PIK3AP1: variants seen among roughly 807,000 people sequenced by gnomAD.
PIK3AP1 encodes the protein phosphoinositide-3-kinase adaptor protein 1, also known as phosphoinositide 3-kinase adapter protein 1.
PIK3AP1 carries 21 observed loss-of-function variants against 88.1 expected under a neutral mutation model. The observed-to-expected ratio is 0.24, with a 90% CI of 0.17 to 0.34. The LOEUF is 0.34. PIK3AP1 is among the 10% of genes least tolerant of loss of function. The probability of loss-of-function intolerance (pLI) is 1.00; values close to 1 mark genes in which losing one functional copy is unlikely to be tolerated. For missense variants in PIK3AP1, 828 were observed against 1,035.7 expected, an observed-to-expected ratio of 0.80 and a Z score of 2.75; for synonymous variants, 398 against 400.0, an observed-to-expected ratio of 1.00 and a Z score of 0.06.
intron 12 of PIK3AP1, among the ~76,000 whole-genome samples, 186 bp downstream of exon 12, chr10:96,620,166 A>G (rs1006156218): frequency 2.0e-5 from 3 of 152,156 alleles, no homozygotes; most frequent in Admixed American, 1.3e-4. Context: ...TCAGCCAGGG[A>G]GCCATGTGGT....
intron 1 of PIK3AP1, 92 bp from the exon 2 acceptor site, chr10:96,710,075 G>C: frequency 7.8e-7 from 1 of 1,283,040 alleles, no homozygotes; most frequent in Non-Finnish European, 1.1e-6. Flanking sequence ...CCAGACACTG[G>C]GTCTGGCACC....
chr10:96,645,730 G>A (rs751831096), intron 7 of PIK3AP1, 68 bp from the exon 8 acceptor site: 15 of 1,391,908 alleles, frequency 1.1e-5, no homozygotes, highest in East Asian at 2.5e-5. Context: ...CTTGGCCCCC[G>A]AAGGCACTTG....
chr10:96,623,761 A>T (rs1843119149), intron 10 of PIK3AP1, among the ~76,000 whole-genome samples: 1 of 152,222 alleles, frequency 6.6e-6, no homozygotes, highest in Non-Finnish European at 1.5e-5. Context: ...CATGATCAGC[A>T]TTTACAAGCT....
At chr10:96,703,147 G>C (rs757980871) in intron 2 of PIK3AP1, among the ~76,000 whole-genome samples, 2 of 152,200 alleles carry the variant, frequency 1.3e-5, no homozygotes, top group Non-Finnish European at 2.9e-5. Context: ...CAAACTGTTA[G>C]AATTACAGTT....
intron 16 of PIK3AP1, among the ~76,000 whole-genome samples, chr10:96,601,312 A>G (rs547323411): frequency 5.7e-4 from 86 of 151,924 alleles, no homozygotes; most frequent in Non-Finnish European, 1.1e-3. Context: ...TGTCTCTACT[A>G]AAAACACAAA....
At chr10:96,692,142 T>C (rs527345550) in intron 2 of PIK3AP1, among the ~76,000 whole-genome samples, 1 of 152,342 alleles carries the variant, frequency 6.6e-6, no homozygotes, top group Admixed American at 6.5e-5. Flanking sequence ...AGAAAACCCA[T>C]ACAGATGCTT....
intron 1 of PIK3AP1, 31 bp from the exon 2 acceptor site, chr10:96,710,014 A>G (rs1443354092): frequency 6.5e-7 from 1 of 1,544,434 alleles, no homozygotes; most frequent in African/African-American, 1.4e-5. Flanking sequence ...GAAGCATGTT[A>G]GCACACCTCC....
chr10:96,617,311 G>C (rs966665930), intron 12 of PIK3AP1, among the ~76,000 whole-genome samples: 8 of 152,212 alleles, frequency 5.3e-5, no homozygotes, highest in Non-Finnish European at 7.3e-5. Flanking sequence ...ACATGTAAGG[G>C]TCAAGATTGT....
intron 2 of PIK3AP1, among the ~76,000 whole-genome samples, chr10:96,695,857 AT>A (rs1433578345): frequency 6.6e-6 from 1 of 152,216 alleles, no homozygotes; most frequent in African/African-American, 2.4e-5. Context: ...GGCATACTTA[AT>A]TCTTCTGTGG....
intron 14 of PIK3AP1, among the ~76,000 whole-genome samples, chr10:96,604,917 T>TGGCACGATCTCGGCTCAGTGCAAC (rs1848976152): frequency 6.6e-6 from 1 of 152,132 alleles, no homozygotes; most frequent in Non-Finnish European, 1.5e-5. Flanking sequence ...TGGAGTGCAG[T>TGGCACGATCTCGGCTCAGTGCAAC]GGCACGATCT....
In PIK3AP1 at chr10:96,628,883, T is replaced by TATACAC. The variant is rs1564961182; in HGVS notation, c.1376-391_1376-390insGTGTAT. Among the ~76,000 whole-genome samples the TATACAC allele has an allele frequency of 3.1e-4, 4 of 12,800 alleles. No homozygotes were observed. In the East Asian group the frequency reaches 0.012, roughly 38 times the overall value. 8.4% of individuals were successfully genotyped at this position (12,800 alleles called of 152,430 possible). On this transcript the variant is annotated intron_variant, in intron 8 of 16. Transcript: ENST00000339364. ...ACACACACATATATACACATATATA[T>TATACAC]ATATACATATATATATATATATATG...
At chr10:96,687,111 C>T (rs577826185) in intron 2 of PIK3AP1, among the ~76,000 whole-genome samples, 3 of 151,964 alleles carry the variant, frequency 2.0e-5, no homozygotes, top group African/African-American at 7.2e-5. Context: ...AAAAAATTAG[C>T]CGGGTGCGGT....
At chr10:96,653,224 G>A (rs1042878575) in intron 3 of PIK3AP1, among the ~76,000 whole-genome samples, 1 of 151,626 alleles carries the variant, frequency 6.6e-6, no homozygotes, top group East Asian at 1.9e-4. Flanking sequence ...GGCCAACATG[G>A]TGAAACCCCG....
chr10:96,638,002 G>T (rs1843335297), intron 8 of PIK3AP1, among the ~76,000 whole-genome samples: 1 of 152,178 alleles, frequency 6.6e-6, no homozygotes, highest in African/African-American at 2.4e-5. Flanking sequence ...AGGCCTTTGG[G>T]CTACGTACTT....
At chr10:96,606,164 C>G (rs1848999375) in intron 14 of PIK3AP1, among the ~76,000 whole-genome samples, 1 of 152,004 alleles carries the variant, frequency 6.6e-6, no homozygotes, top group East Asian at 1.9e-4. Flanking sequence ...GTTCAAGGAC[C>G]AGGCTGTCTT....
chr10:96,673,489 C>T (rs1843875305), intron 2 of PIK3AP1, among the ~76,000 whole-genome samples: 1 of 152,108 alleles, frequency 6.6e-6, no homozygotes, highest in African/African-American at 2.4e-5. Flanking sequence ...AAAGCAGGAG[C>T]TACCACAGCC....
At chr10:96,664,683 C>T (rs1393434572) in intron 2 of PIK3AP1, among the ~76,000 whole-genome samples, 1 of 152,174 alleles carries the variant, frequency 6.6e-6, no homozygotes, top group Non-Finnish European at 1.5e-5. Flanking sequence ...ACAGGCCATA[C>T]AAAATAAACA....
chr10:96,609,236 G>A (rs1465005900), intron 14 of PIK3AP1, among the ~76,000 whole-genome samples: 2 of 152,082 alleles, frequency 1.3e-5, no homozygotes, highest in Non-Finnish European at 2.9e-5. Context: ...TATCATAGTT[G>A]AGGAAGCAGC....
intron 10 of PIK3AP1, among the ~76,000 whole-genome samples, chr10:96,624,186 T>C (rs1843124348): frequency 6.6e-6 from 1 of 152,240 alleles, no homozygotes; most frequent in Non-Finnish European, 1.5e-5. Context: ...ATGAGGATGA[T>C]AATAGTTCTT....
Sources: allele counts gnomAD v4.1 joint callset (sites outside exome capture counted in the v4.1 genomes callset), GRCh38; gene constraint gnomAD v4.1.1; transcripts MANE v1.5; gene names NCBI Gene and HGNC (gene_info 2026-07-23, HGNC 2026-07-21).